ITGA8: variants seen among roughly 807,000 people sequenced by gnomAD.
The protein encoded by ITGA8 is integrin subunit alpha 8, also known as integrin alpha-8.
In ITGA8, 91 loss-of-function variants were observed where a neutral mutation model predicts 142.3. The observed-to-expected ratio is 0.64, with a 90% CI of 0.54 to 0.76. ITGA8 has a LOEUF of 0.76. Ranked by LOEUF, ITGA8 falls within the 30% of genes least tolerant of loss-of-function variation. The probability of loss-of-function intolerance (pLI) is 0.00; values close to 1 mark genes in which losing one functional copy is unlikely to be tolerated. For synonymous variants in ITGA8, 505 were observed against 485.2 expected (o/e 1.04, Z -0.54); for missense variants, 1,406 against 1,327.7 (o/e 1.06, Z -0.92).
At chr10:15,707,034 T>A (rs986285826) in intron 2 of ITGA8, among the ~76,000 whole-genome samples, 1 of 152,194 alleles carries the variant, frequency 6.6e-6, no homozygotes, top group Admixed American at 6.5e-5. Flanking sequence ...ACCACCTGGC[T>A]CCTTTCCTCA....
chr10:15,717,018 GA>G (rs1008599765), intron 2 of ITGA8, among the ~76,000 whole-genome samples: 30 of 152,052 alleles, frequency 2.0e-4, no homozygotes, highest in Non-Finnish European at 4.4e-4. Context: ...GTTATTTTTT[GA>G]ATTCATAGTT....
intron 4 of ITGA8, among the ~76,000 whole-genome samples, chr10:15,680,917 A>C (rs1297160316): frequency 1.3e-5 from 2 of 151,968 alleles, no homozygotes; most frequent in African/African-American, 4.8e-5. Flanking sequence ...ATGAGAGCTG[A>C]AGGACTCTTT....
At chr10:15,525,402 G>A (rs1833152699) in intron 28 of ITGA8, among the ~76,000 whole-genome samples, 1 of 151,952 alleles carries the variant, frequency 6.6e-6, no homozygotes, top group African/African-American at 2.4e-5. Flanking sequence ...CAGCACTTTG[G>A]GAGACCTAGG....
chr10:15,660,714 T>G (rs1244889475), intron 9 of ITGA8, among the ~76,000 whole-genome samples, 165 bp downstream of exon 9: 1 of 152,210 alleles, frequency 6.6e-6, no homozygotes, highest in Non-Finnish European at 1.5e-5. Flanking sequence ...TGAGCATGTT[T>G]AAGGTAGGTT....
chr10:15,573,209 A>G (rs1347375030), intron 24 of ITGA8, among the ~76,000 whole-genome samples: 1 of 152,166 alleles, frequency 6.6e-6, no homozygotes, highest in East Asian at 1.9e-4. Context: ...ATTTTGAGTC[A>G]CGAGATTAGC....
chr10:15,593,688 C>T (rs559340635), intron 21 of ITGA8, among the ~76,000 whole-genome samples: 10 of 152,286 alleles, frequency 6.6e-5, no homozygotes, highest in East Asian at 1.9e-4. Context: ...CTTCGAGCTA[C>T]GTACTGTCCG....
intron 25 of ITGA8, among the ~76,000 whole-genome samples, chr10:15,570,693 C>T (rs2131580115): frequency 6.7e-6 from 1 of 149,952 alleles, no homozygotes; most frequent in Non-Finnish European, 1.5e-5. Flanking sequence ...GCTTGGTTTG[C>T]AAGAATCTGT....
intron 28 of ITGA8, among the ~76,000 whole-genome samples, chr10:15,523,487 A>T (rs565927790): frequency 6.6e-6 from 1 of 152,334 alleles, no homozygotes; most frequent in East Asian, 1.9e-4. Flanking sequence ...GTCTTTAAAA[A>T]GTCTGTGGGA....
intron 26 of ITGA8, among the ~76,000 whole-genome samples, chr10:15,552,799 C>G (rs1833814677): frequency 6.6e-6 from 1 of 152,136 alleles, no homozygotes; most frequent in East Asian, 1.9e-4. Flanking sequence ...GTTTTCTGTT[C>G]TCCGTGTTAG....
chr10:15,612,693 A>G (rs1321020880), intron 15 of ITGA8, among the ~76,000 whole-genome samples: 1 of 152,248 alleles, frequency 6.6e-6, no homozygotes, highest in Admixed American at 6.5e-5. Context: ...ATCATCCAGC[A>G]AAAGGAATAA....
intron 24 of ITGA8, among the ~76,000 whole-genome samples, chr10:15,575,112 C>G (rs893680681): frequency 1.3e-5 from 2 of 152,044 alleles, no homozygotes; most frequent in Non-Finnish European, 2.9e-5. Context: ...GGTTGATGTC[C>G]TTTAAAATGC....
intron 17 of ITGA8, 61 bp from the exon 18 acceptor site, chr10:15,606,483 T>G: frequency 6.6e-7 from 1 of 1,510,474 alleles, no homozygotes; most frequent in Non-Finnish European, 9.0e-7. Context: ...GATGTCAGTC[T>G]GCAAAAGTCA....
chr10:15,671,213 G>A (rs1954184), intron 8 of ITGA8, among the ~76,000 whole-genome samples: 87,790 of 151,844 alleles, frequency 0.58, 26,434 homozygotes, highest in South Asian at 0.75. Context: ...AGGTTGGGGT[G>A]TTGGATTGGA....
intron 15 of ITGA8, among the ~76,000 whole-genome samples, chr10:15,610,645 T>C (rs1187162041): frequency 2.0e-5 from 3 of 152,154 alleles, no homozygotes; most frequent in Non-Finnish European, 4.4e-5. Context: ...CCAAGCACGG[T>C]TGGAATAATG....
rs1190571496 is a variant in ITGA8, at chr10:15,607,840, C to T, written c.1610-9G>A. 6 of 1,611,602 alleles carry T rather than the reference C, an allele frequency of 3.7e-6. No individual in the cohort carries two copies. The highest frequency in any genetic ancestry group is 4.5e-5 in the East Asian group (2 of 44,858). ...CACCTCTGCCATCAAGACTAAAGGACAGAAGTAAAGTAGAGAAAAAGTATT... is the reference window on the plus strand; with the variant it reads ...CACCTCTGCCATCAAGACTAAAGGATAGAAGTAAAGTAGAGAAAAAGTATT... On this transcript the variant is annotated splice_polypyrimidine_tract_variant and intron_variant, in intron 16 of 29. Transcript: ENST00000378076.
intron 27 of ITGA8, among the ~76,000 whole-genome samples, chr10:15,531,905 A>G (rs2131542694): frequency 6.6e-6 from 1 of 152,264 alleles, no homozygotes; most frequent in East Asian, 1.9e-4. Context: ...AGAGCACGCC[A>G]CTGCGCTCCG....
intron 25 of ITGA8, among the ~76,000 whole-genome samples, chr10:15,565,966 T>G (rs1440215976): frequency 6.6e-6 from 1 of 151,882 alleles, no homozygotes; most frequent in Non-Finnish European, 1.5e-5. Context: ...GGTCAAGAAC[T>G]GTTGTGCTAG....
chr10:15,717,419 G>A (rs1014179458), intron 2 of ITGA8, among the ~76,000 whole-genome samples: 9 of 152,060 alleles, frequency 5.9e-5, no homozygotes, highest in South Asian at 2.1e-4. Context: ...TTTGGTTTAC[G>A]AAGCTTATTC....
chr10:15,688,035 TTGTC>T lies in ITGA8; in HGVS notation c.344-1_346del. The T allele has an allele frequency of 6.2e-7, 1 of 1,603,382 alleles. No homozygotes were observed. The highest frequency in any genetic ancestry group is 8.5e-7 in the Non-Finnish European group (1 of 1,170,208). On this transcript the variant is annotated splice_acceptor_variant and coding_sequence_variant, in exon 3 of 30. Coordinates refer to ENST00000378076, the MANE Select transcript of ITGA8 (RefSeq NM_003638.3). LOFTEE classifies it high-confidence loss of function. ...GGTTCCATTAACTCTGATCTTTCTGTTGTCTGTCAAAGAAGATAGGAAGAGTTAA... is the reference window on the plus strand; with the variant it reads ...GGTTCCATTAACTCTGATCTTTCTGTTGTCAAAGAAGATAGGAAGAGTTAA...
Sources: allele counts gnomAD v4.1 joint callset (sites outside exome capture counted in the v4.1 genomes callset), GRCh38; gene constraint gnomAD v4.1.1; transcripts MANE v1.5; gene names NCBI Gene and HGNC (gene_info 2026-07-23, HGNC 2026-07-21).